Variants in RBMS2 observed in about 807,000 individuals in gnomAD.
The protein encoded by RBMS2 is RNA binding motif single stranded interacting protein 2.
In RBMS2, 38 loss-of-function variants were observed where a neutral mutation model predicts 58.4. The observed-to-expected ratio is 0.65, with a 90% CI of 0.50 to 0.85. The LOEUF (loss-of-function observed/expected upper bound fraction) is 0.85. RBMS2 is among the 40% of genes least tolerant of loss of function. RBMS2 has a pLI of 0.00. For missense variants in RBMS2, 367 were observed against 503.7 expected (o/e 0.73, Z 2.60); for synonymous variants, 151 against 180.7 (o/e 0.84, Z 1.32).
chr12:56,586,759 A>C (rs887563520), intron 9 of RBMS2, 90 bp from the exon 10 acceptor site: 100 of 1,137,666 alleles, frequency 8.8e-5, no homozygotes, highest in Non-Finnish European at 1.2e-4. Context: ...GGGGCATTCA[A>C]ACTTTTCTGA....
At chr12:56,580,203 T>A (rs1883732629) in intron 5 of RBMS2, 1 of 390,256 alleles carries the variant, frequency 2.6e-6, no homozygotes, top group Non-Finnish European at 5.0e-6. Flanking sequence ...AGTGCTGGGA[T>A]TACAGGCGTG....
At chr12:56,587,071 G>T in intron 10 of RBMS2, 145 bp downstream of exon 10, 3 of 809,698 alleles carry the variant, frequency 3.7e-6, no homozygotes, top group Non-Finnish European at 5.9e-6. Context: ...TTCGAGACCA[G>T]CCTGGCCAAC....
chr12:56,557,481 C>T (rs1157167438), intron 1 of RBMS2, among the ~76,000 whole-genome samples: 1 of 152,014 alleles, frequency 6.6e-6, no homozygotes, highest in Non-Finnish European at 1.5e-5. Flanking sequence ...CAATGGCTTA[C>T]TATAGAGCAA....
rs79787054 is a variant in RBMS2 at position 56,586,614 on chromosome 12, G to A, written c.874-235G>A. Among the ~76,000 whole-genome samples the A allele has an allele frequency of 9.2e-3, 1,392 of 151,714 alleles. 21 individuals carry two copies. The highest frequency in any genetic ancestry group is 0.032 in the African/African-American group (1,325 of 41,358). ...AGGGTCTCACTCTGTCGCCCAGGCTGGAGTGCAGTGTCAGAATCATAGCTC... is the reference window on the plus strand; with the variant it reads ...AGGGTCTCACTCTGTCGCCCAGGCTAGAGTGCAGTGTCAGAATCATAGCTC... On this transcript the variant is annotated intron_variant, in intron 9 of 13. Coordinates refer to ENST00000262031, the MANE Select transcript of RBMS2 (RefSeq NM_002898.4).
chr12:56,560,682 A>C (rs1880240612), intron 1 of RBMS2, among the ~76,000 whole-genome samples: 1 of 152,196 alleles, frequency 6.6e-6, no homozygotes, highest in Admixed American at 6.5e-5. Flanking sequence ...GGTGTGAGCC[A>C]CTGTGCCTGG....
At chr12:56,583,986 C>T (rs1378776730) in intron 9 of RBMS2, among the ~76,000 whole-genome samples, 6 of 152,180 alleles carry the variant, frequency 3.9e-5, no homozygotes, top group African/African-American at 1.4e-4. Context: ...TTATTGAAAA[C>T]TGGATTGCTG....
chr12:56,522,081 A>C lies in RBMS2; in HGVS notation c.58A>C (p.Asn20His), dbSNP rs763520213. The C allele has an allele frequency of 8.1e-6, 13 of 1,597,382 alleles. No homozygotes were observed. Among genetic ancestry groups the C allele is most frequent in the Non-Finnish European group, 1.1e-5 (13 of 1,166,288 alleles). The change falls in exon 1 of 14, where the codon AAC (asparagine) becomes CAC (histidine). Residue 20 changes from asparagine to histidine, a missense_variant. Around this residue, in one of 3 missense-constraint regions of RBMS2, gnomAD observed 93 missense variants for 132.2 expected, o/e 0.70. Coordinates refer to ENST00000262031, the MANE Select transcript of RBMS2 (RefSeq NM_002898.4). Reference sequence around the variant, plus strand: ...TTCGACTTTTGGCTACAATAGAAACAACAAGAAGGTAGGGAAAAGCGCTTT... The same window carrying C: ...TTCGACTTTTGGCTACAATAGAAACCACAAGAAGGTAGGGAAAAGCGCTTT... The part of the protein sequence containing the change: ...GISTFGYNRN[N>H]KKPYVSLAQQ...
intron 2 of RBMS2, among the ~76,000 whole-genome samples, chr12:56,568,539 C>CTTTTTTTTT (rs1257717979): frequency 7.3e-5 from 10 of 136,074 alleles, no homozygotes; most frequent in African/African-American, 8.0e-5. Flanking sequence ...TCTTTTTTTT[C>CTTTTTTTTT]TTTTTTTTTT....
At chr12:56,587,734 G>A (rs746815335) in intron 11 of RBMS2, 70 bp downstream of exon 11, 125 of 1,500,974 alleles carry the variant, frequency 8.3e-5, no homozygotes, top group Non-Finnish European at 1.0e-4. Context: ...ACTCTTCAGC[G>A]TAAGTAACTT....
intron 1 of RBMS2, among the ~76,000 whole-genome samples, chr12:56,555,025 A>G (rs1878973090): frequency 6.6e-6 from 1 of 151,820 alleles, no homozygotes; most frequent in South Asian, 2.1e-4. Context: ...GCACATATAT[A>G]AGCATCCCTA....
At position 56,529,051 on chromosome 12, in the gene RBMS2, A is replaced by G. The variant is rs534508198; in HGVS notation, c.66+6962A>G. 3.9e-4 allele frequency among the ~76,000 whole-genome samples: 60 copies of G among 152,278 alleles called. 1 individual carries two copies. The highest frequency in any genetic ancestry group is 1.4e-3 in the African/African-American group (60 of 41,564). ...CATCTTGGCAGGTTCTCAAAAGGTT[A>G]AGGAAAGACCCAGGAATTCCACTCC... On this transcript the variant is annotated intron_variant, in intron 1 of 13. Transcript: ENST00000262031.
At chr12:56,579,516 C>T (rs1298927460) in intron 5 of RBMS2, among the ~76,000 whole-genome samples, 1 of 151,816 alleles carries the variant, frequency 6.6e-6, no homozygotes, top group Non-Finnish European at 1.5e-5. Flanking sequence ...ACCTGTAGTC[C>T]CAGCTTACTT....
At chr12:56,573,994 C>G (rs922699431) in intron 5 of RBMS2, among the ~76,000 whole-genome samples, 1 of 152,146 alleles carries the variant, frequency 6.6e-6, no homozygotes, top group African/African-American at 2.4e-5. Context: ...GCGCCCGCCA[C>G]CATGCCCAGC....
rs3041374 is a variant in RBMS2, at chr12:56,596,033, CTTTTT to C, written c.*6905_*6909del. The C allele has an allele frequency of 6.7e-6, 1 of 149,502 alleles. No individual in the cohort carries two copies. The highest frequency in any genetic ancestry group is 2.5e-5 in the African/African-American group (1 of 40,232). The allele number at this position is 149,502 out of a possible 1,614,324, so 9.3% of individuals were successfully genotyped here. A position where few individuals can be genotyped will look rare whatever the true frequency, so the allele number is the denominator to read the frequency against. The stretch of plus-strand genomic sequence containing the variant: ...CAAAAACAGGAGTTTTTTCGCTAGA[CTTTTT>C]TTTTCTTTTTAACCTTATTAAAAAT... On this transcript the variant is annotated 3_prime_UTR_variant, in exon 14 of 14. Transcript: ENST00000262031.
chr12:56,570,105 T>A (rs1382656332), intron 4 of RBMS2, 115 bp downstream of exon 4: 5 of 900,606 alleles, frequency 5.6e-6, no homozygotes, highest in Non-Finnish European at 7.0e-6. Flanking sequence ...GCAAGGGCTA[T>A]CCGTGGTGCT....
chr12:56,587,209 G>A (rs1161638706), intron 10 of RBMS2, among the ~76,000 whole-genome samples: 1 of 151,816 alleles, frequency 6.6e-6, no homozygotes, highest in Non-Finnish European at 1.5e-5. Context: ...AGAGGTTGCA[G>A]TGAGCTGAGA....
intron 2 of RBMS2, among the ~76,000 whole-genome samples, chr12:56,567,829 G>GCACA (rs757617155): frequency 6.6e-6 from 1 of 150,626 alleles, no homozygotes; most frequent in African/African-American, 2.4e-5. Context: ...AGACCCTGAT[G>GCACA]CACACACACA....
intron 9 of RBMS2, among the ~76,000 whole-genome samples, chr12:56,584,652 G>A (rs1420099687): frequency 6.6e-6 from 1 of 151,870 alleles, no homozygotes; most frequent in Non-Finnish European, 1.5e-5. Flanking sequence ...GGGCATGGTG[G>A]TGGGCACCTG....
chr12:56,532,291 C>T (rs1445248272), intron 1 of RBMS2, among the ~76,000 whole-genome samples: 1 of 151,486 alleles, frequency 6.6e-6, no homozygotes, highest in Non-Finnish European at 1.5e-5. Flanking sequence ...ACCTGTAATC[C>T]CAGCACTTTG....
Sources: allele counts gnomAD v4.1 joint callset (sites outside exome capture counted in the v4.1 genomes callset), GRCh38; gene constraint gnomAD v4.1.1; regional missense constraint gnomAD v4.1.1; transcripts MANE v1.5; gene names NCBI Gene and HGNC (gene_info 2026-07-23, HGNC 2026-07-21).